The following MEF2A variants were observed in gnomAD, a reference collection of about 807,000 sequenced individuals.
The protein encoded by MEF2A is myocyte enhancer factor 2A, also known as myocyte-specific enhancer factor 2A.
In MEF2A, 28 loss-of-function variants were observed where a neutral mutation model predicts 55.8. The ratio of observed to expected loss-of-function variants is 0.50; its 90% CI spans 0.37 to 0.69. The LOEUF (loss-of-function observed/expected upper bound fraction) is 0.69, where lower values mean the gene tolerates loss of function less well. Among genes scored for constraint, MEF2A ranks in the 30% least tolerant of loss-of-function variants. MEF2A has a pLI of 0.00. For synonymous variants in MEF2A, 239 were observed against 227.1 expected, an observed-to-expected ratio of 1.05 and a Z score of -0.47; for missense variants, 528 against 626.2, an observed-to-expected ratio of 0.84 and a Z score of 1.67.
chr15:99,566,375 CG>C (rs1276460316), intron 1 of MEF2A: 11 of 78,204 alleles, frequency 1.4e-4, no homozygotes, highest in African/African-American at 5.2e-4. Context: ...GTGGTCGGGT[CG>C]GGGTCGGCGC....
rs1262012355 is a variant in MEF2A at position 99,601,259 on chromosome 15, AATT to A, written c.-143+2753_-143+2755del. On this transcript the variant is annotated intron_variant, in intron 2 of 11. Transcript: ENST00000557942. The stretch of plus-strand genomic sequence containing the variant: ...TTATAATTTGTAATATTGCTAAATT[AATT>A]ATTAGTGCTAGTGGCTTTTTTGTAG... Among the ~76,000 whole-genome samples the A allele has an allele frequency of 4.6e-5, 7 of 152,170 alleles. No individual in the cohort carries two copies. In the South Asian group the frequency reaches 6.2e-4, roughly 14 times the overall value.
Position 99,706,753 on chromosome 15 carries a change from C to T in MEF2A, c.907C>T (p.Gln303Ter). ...ELNTQRISSS[Q>*]ATQPLATPVV... Reference sequence around the variant, plus strand: ...GAATACCCAGAGGATCAGTAGTTCTCAAGCCACTCAACCTCTTGCTACCCC... The same window carrying T: ...GAATACCCAGAGGATCAGTAGTTCTTAAGCCACTCAACCTCTTGCTACCCC... Residue 303 changes from glutamine to a stop codon, truncating the protein, a stop_gained, in exon 10 of 12, where the codon CAA becomes TAA. Transcript: ENST00000557942. LOFTEE classifies it high-confidence loss of function. 1 of 1,613,646 alleles carries T rather than the reference C, an allele frequency of 6.2e-7. No individual in the cohort carries two copies.
At chr15:99,601,508 GA>G (rs1972937661) in intron 2 of MEF2A, among the ~76,000 whole-genome samples, 1 of 135,432 alleles carries the variant, frequency 7.4e-6, no homozygotes, top group Non-Finnish European at 1.6e-5. Flanking sequence ...GTCTTGGTCA[GA>G]GTTTTTTTTT....
chr15:99,688,517 G>A lies in MEF2A; in HGVS notation c.671-1724G>A, dbSNP rs325395. On this transcript the variant is annotated intron_variant, in intron 7 of 11. Coordinates refer to ENST00000557942, the MANE Select transcript of MEF2A (RefSeq NM_001319206.4). ...TCATGCCTGTAATCCCAGCACTTTG[G>A]GAGGCCGAGGCGGGCAGATCATGAG... Among the ~76,000 whole-genome samples the A allele has an allele frequency of 9.7e-3, 1,474 of 152,280 alleles. 14 individuals are homozygous for A. The highest frequency in any genetic ancestry group is 0.025 in the South Asian group (119 of 4,828).
At chr15:99,706,687 A>G in intron 9 of MEF2A, 42 bp from the exon 10 acceptor site, 1 of 1,602,318 alleles carries the variant, frequency 6.2e-7, no homozygotes, top group Non-Finnish European at 8.6e-7. Flanking sequence ...AGTCAACATA[A>G]ATACCACATC....
At chr15:99,682,308 C>T (rs138433263) in intron 7 of MEF2A, among the ~76,000 whole-genome samples, 2 of 152,254 alleles carry the variant, frequency 1.3e-5, no homozygotes, top group Admixed American at 6.5e-5. Context: ...CATGGGTATG[C>T]GGTTTGCTCA....
chr15:99,569,643 G>A lies in MEF2A; in HGVS notation c.-225+3539G>A, dbSNP rs183368253. On this transcript the variant is annotated intron_variant, in intron 1 of 11. Transcript: ENST00000557942. ...GAATTCTGTCTTTTAGGGATTGACTGTGGGAGTGGTCTCTAAGATATAGTA... is the reference window on the plus strand; with the variant it reads ...GAATTCTGTCTTTTAGGGATTGACTATGGGAGTGGTCTCTAAGATATAGTA... 1.4e-4 allele frequency among the ~76,000 whole-genome samples: 21 copies of A among 152,298 alleles called. 1 individual carries two copies. In the East Asian group the frequency reaches 4.0e-3, roughly 29 times the overall value.
chr15:99,706,246 G>A (rs539089601), intron 9 of MEF2A, among the ~76,000 whole-genome samples: 3 of 152,332 alleles, frequency 2.0e-5, no homozygotes, highest in Admixed American at 1.3e-4. Flanking sequence ...AAGAATACAA[G>A]CTGCACCCAA....
chr15:99,690,515 C>A, intron 8 of MEF2A, 87 bp downstream of exon 8: 2 of 1,129,268 alleles, frequency 1.8e-6, no homozygotes, highest in Non-Finnish European at 2.5e-6. Context: ...ATTTTCTGTG[C>A]CACCGTAGAA....
chr15:99,658,984 T>A (rs904010469), intron 4 of MEF2A, among the ~76,000 whole-genome samples: 3 of 152,114 alleles, frequency 2.0e-5, no homozygotes, highest in African/African-American at 4.8e-5. Flanking sequence ...TCAGTAAATA[T>A]CAGCATCTAG....
intron 5 of MEF2A, chr15:99,671,722 T>C (rs2153630609): frequency 7.1e-7 from 1 of 1,412,700 alleles, no homozygotes; most frequent in South Asian, 1.7e-5. Flanking sequence ...AACATCTTGT[T>C]GCTTATTTTT....
intron 3 of MEF2A, among the ~76,000 whole-genome samples, chr15:99,637,102 G>A (rs562882881): frequency 6.6e-6 from 1 of 150,402 alleles, no homozygotes; most frequent in South Asian, 2.1e-4. Flanking sequence ...GATATCTGGT[G>A]GTGTAGTTCT....
intron 1 of MEF2A, among the ~76,000 whole-genome samples, chr15:99,576,446 G>A (rs915283039): frequency 2.6e-5 from 4 of 152,008 alleles, no homozygotes; most frequent in Admixed American, 6.5e-5. Flanking sequence ...GATTTGTCTC[G>A]AACAAGGTTG....
chr15:99,657,512 A>G (rs2047939230), intron 4 of MEF2A: 1 of 152,126 alleles, frequency 6.6e-6, no homozygotes, highest in African/African-American at 2.4e-5. Flanking sequence ...AGCTCAAGGA[A>G]TATGCCAGGC....
At chr15:99,643,736 C>T (rs889585347) in intron 3 of MEF2A, among the ~76,000 whole-genome samples, 2 of 151,792 alleles carry the variant, frequency 1.3e-5, no homozygotes, top group Non-Finnish European at 1.5e-5. Flanking sequence ...GGACTACAGG[C>T]GCCCACCACC....
At chr15:99,706,386 C>T (rs545064543) in intron 9 of MEF2A, among the ~76,000 whole-genome samples, 1 of 152,322 alleles carries the variant, frequency 6.6e-6, no homozygotes, top group South Asian at 2.1e-4. Context: ...GTATTTAAAA[C>T]CTACACATAC....
At chr15:99,606,232 G>A (rs1174187250) in intron 2 of MEF2A, among the ~76,000 whole-genome samples, 1 of 152,064 alleles carries the variant, frequency 6.6e-6, no homozygotes, top group Admixed American at 6.6e-5. Flanking sequence ...CATACCATAT[G>A]CAAACATCAG....
At chr15:99,708,879 G>A (rs954966075) in intron 10 of MEF2A, among the ~76,000 whole-genome samples, 8 of 152,156 alleles carry the variant, frequency 5.3e-5, no homozygotes, top group African/African-American at 1.9e-4. Flanking sequence ...TTTGCGGGCG[G>A]GACGGGGCTG....
chr15:99,566,392 A>C (rs1275698820), intron 1 of MEF2A: 5 of 98,170 alleles, frequency 5.1e-5, no homozygotes, highest in Admixed American at 5.1e-4. Flanking sequence ...GGCGCTGAGG[A>C]GCTAGGCGCC....
Sources: gnomAD v4.1 joint callset for allele counts (sites outside exome capture counted in the v4.1 genomes callset) on GRCh38, gnomAD v4.1.1 for gene constraint, MANE v1.5 for transcripts, NCBI Gene and HGNC (gene_info 2026-07-23, HGNC 2026-07-21) for gene names.